The following SDHA variants were observed in gnomAD, a reference collection of about 807,000 sequenced individuals.
The protein encoded by SDHA is succinate dehydrogenase complex flavoprotein subunit A, also known as succinate dehydrogenase [ubiquinone] flavoprotein subunit, mitochondrial.
SDHA carries 48 observed loss-of-function variants against 78.4 expected under a neutral mutation model. That is an observed-to-expected ratio of 0.61 (90% CI 0.49 to 0.78). The LOEUF is 0.78. Among genes scored for constraint, SDHA ranks in the 30% least tolerant of loss-of-function variants. The probability of loss-of-function intolerance (pLI) is 0.00; values close to 1 mark genes in which losing one functional copy is unlikely to be tolerated. For synonymous variants in SDHA, 326 were observed against 353.9 expected (o/e 0.92, Z 0.88); for missense variants, 680 against 892.7 (o/e 0.76, Z 3.04).
Position 230,946 on chromosome 5 carries a change from A to G in SDHA, c.841A>G (p.Thr281Ala), listed in dbSNP as rs772325115. ...CACTGGCGACGGCACGGCCATGATCACCAGGGCAGGCCTTCCTTGCCAGGA... is the reference window on the plus strand; with the variant it reads ...CACTGGCGACGGCACGGCCATGATCGCCAGGGCAGGCCTTCCTTGCCAGGA... Reference protein sequence around the residue: ...TSTGDGTAMITRAGLPCQDLE... With the variant: ...TSTGDGTAMIARAGLPCQDLE... Residue 281 changes from threonine to alanine, a missense_variant, in exon 7 of 15, where the codon ACC becomes GCC. Transcript: ENST00000264932. The G allele has an allele frequency of 7.4e-6, 12 of 1,613,890 alleles. No individual in the cohort carries two copies. The African/African-American group carries it at 1.2e-4, about 16-fold the overall frequency.
At chr5:224,746 A>G (rs1364645136) in intron 3 of SDHA, 1 of 579,722 alleles carries the variant, frequency 1.7e-6, no homozygotes, top group African/African-American at 1.9e-5. Flanking sequence ...CTCCAGTCAC[A>G]CTTGGGTTTT....
At chr5:251,535 C>T (rs1736834045) in intron 13 of SDHA, 67 bp downstream of exon 13, 1 of 1,611,040 alleles carries the variant, frequency 6.2e-7, no homozygotes, top group Non-Finnish European at 8.5e-7. Flanking sequence ...TCAGCCCCAC[C>T]CCTGCATTTT....
Position 224,929 on chromosome 5 carries a change from T to C in SDHA, c.312+408T>C, listed in dbSNP as rs1734922930. 10 of 337,876 alleles carry C rather than the reference T, an allele frequency of 3.0e-5. No individual in the cohort carries two copies. In the Admixed American group the frequency reaches 3.1e-4, roughly 11 times the overall value. The allele number at this position is 337,876 out of a possible 1,614,324, so 20.9% of individuals were successfully genotyped here. The stretch of plus-strand genomic sequence containing the variant: ...TGGGACTCTCTGAGGGGTAAGACAG[T>C]GGTGGGCACACACAGCCAAAGGAAG... On this transcript the variant is annotated intron_variant, in intron 3 of 14. Coordinates refer to ENST00000264932, the MANE Select transcript of SDHA (RefSeq NM_004168.4).
chr5:224,774 A>G (rs957731363), intron 3 of SDHA: 3 of 543,466 alleles, frequency 5.5e-6, no homozygotes, highest in African/African-American at 3.8e-5. Context: ...CATCTTGCCT[A>G]CTACCTTCCC....
chr5:232,144 T>C (rs1735445137), intron 7 of SDHA, among the ~76,000 whole-genome samples: 1 of 152,170 alleles, frequency 6.6e-6, no homozygotes, highest in Non-Finnish European at 1.5e-5. Context: ...GTCTTCTCTT[T>C]CTCTGTCAGT....
At chr5:242,697 C>T (rs1445177739) in intron 11 of SDHA, among the ~76,000 whole-genome samples, 2 of 152,120 alleles carry the variant, frequency 1.3e-5, no homozygotes, top group Non-Finnish European at 2.9e-5. Flanking sequence ...CGAAGGGTCA[C>T]CGGAGCGATG....
chr5:237,667 C>T (rs1481455290), intron 10 of SDHA, among the ~76,000 whole-genome samples: 1 of 134,094 alleles, frequency 7.5e-6, no homozygotes, highest in Admixed American at 7.2e-5. Flanking sequence ...CTGGTGTTAA[C>T]TGTTAGCATC....
At chr5:229,074 C>T (rs115668410) in intron 6 of SDHA, among the ~76,000 whole-genome samples, 196 of 152,120 alleles carry the variant, frequency 1.3e-3, no homozygotes, top group Admixed American at 3.1e-3. Context: ...GATATCATCT[C>T]ATCTCGCTCC....
chr5:263,561 C>T, the SDHA span, among the ~76,000 whole-genome samples: 1 of 152,184 alleles, frequency 6.6e-6, no homozygotes. Flanking sequence ...TCCAAAGGCA[C>T]AGGAAGAAGC....
intron 11 of SDHA, among the ~76,000 whole-genome samples, chr5:244,462 ATG>A (rs1736328710): frequency 6.6e-6 from 1 of 152,062 alleles, no homozygotes; most frequent in South Asian, 2.1e-4. Flanking sequence ...ATTGTGCCAT[ATG>A]TGGAAATGGG....
intron 11 of SDHA, among the ~76,000 whole-genome samples, chr5:248,112 T>C (rs13357769): frequency 0.25 from 36,696 of 148,158 alleles, 6,872 homozygotes; most frequent in African/African-American, 0.53. Context: ...GACCTGATAA[T>C]AAAAAGTTGG....
chr5:264,648 G>A, the SDHA span, among the ~76,000 whole-genome samples: 5 of 152,326 alleles, frequency 3.3e-5, no homozygotes, highest in African/African-American at 7.2e-5. Flanking sequence ...GCTGGGCTAG[G>A]CAGCATCACA....
At chr5:237,944 G>A (rs543789024) in intron 10 of SDHA, among the ~76,000 whole-genome samples, 6 of 136,122 alleles carry the variant, frequency 4.4e-5, no homozygotes, top group East Asian at 1.9e-4. Context: ...TCCTGACGCC[G>A]CAGGTAGTGC....
chr5:222,504 C>T (rs1734778769), intron 1 of SDHA, among the ~76,000 whole-genome samples: 1 of 151,992 alleles, frequency 6.6e-6, no homozygotes, highest in Admixed American at 6.6e-5. Context: ...CCCGCCACGA[C>T]GCCCAGCTAA....
intron 7 of SDHA, 25 bp downstream of exon 7, chr5:231,025 A>T: frequency 6.2e-7 from 1 of 1,613,702 alleles, no homozygotes; most frequent in Non-Finnish European, 8.5e-7. Context: ...CTTGCCCGGC[A>T]GGTGTTTGGC....
At position 233,597 on chromosome 5, in the gene SDHA, C is replaced by G. The variant is rs1553999043; in HGVS notation, c.1016C>G (p.Ser339Cys). 6.2e-7 allele frequency: 1 copy of G among 1,614,134 alleles called. No homozygotes were observed. The highest frequency in any genetic ancestry group is 8.5e-7 in the Non-Finnish European group (1 of 1,180,026). ...GCCCCTGTCGCGAAGGACCTGGCGT[C>G]TAGAGATGTGGTGTCTCGGTCCATG... is the stretch of plus-strand genomic sequence containing the variant. Reference protein sequence around the residue: ...RYAPVAKDLASRDVVSRSMTL... With the variant: ...RYAPVAKDLACRDVVSRSMTL... Residue 339 changes from serine (S) to cysteine (C), a missense_variant, in exon 8 of 15, where the codon TCT (serine) becomes TGT (cysteine). By Grantham distance (112) the Ser-to-Cys change is moderately radical. Coordinates refer to ENST00000264932, the MANE Select transcript of SDHA (RefSeq NM_004168.4).
At chr5:245,659 C>G (rs1736398495) in intron 11 of SDHA, among the ~76,000 whole-genome samples, 1 of 152,196 alleles carries the variant, frequency 6.6e-6, no homozygotes, top group African/African-American at 2.4e-5. Flanking sequence ...TAACAAAATC[C>G]AGATTACTAC....
intron 6 of SDHA, among the ~76,000 whole-genome samples, chr5:229,080 G>C (rs536544097): frequency 6.6e-6 from 1 of 151,686 alleles, no homozygotes; most frequent in African/African-American, 2.4e-5. Context: ...ATCTCATCTC[G>C]CTCCAGTTAG....
At chr5:241,864 A>G (rs1390310657) in intron 11 of SDHA, among the ~76,000 whole-genome samples, 1 of 152,260 alleles carries the variant, frequency 6.6e-6, no homozygotes, top group Non-Finnish European at 1.5e-5. Context: ...TGACTAAGGC[A>G]CAGAAGGCTG....
Sources: allele counts gnomAD v4.1 joint callset (sites outside exome capture counted in the v4.1 genomes callset), GRCh38; gene constraint gnomAD v4.1.1; transcripts MANE v1.5; gene names NCBI Gene and HGNC (gene_info 2026-07-23, HGNC 2026-07-21).